PREX1: variants seen among roughly 807,000 people sequenced by gnomAD.
PREX1 encodes phosphatidylinositol 3,4,5-trisphosphate-dependent Rac exchanger 1 protein.
In PREX1, 41 loss-of-function variants were observed where a neutral mutation model predicts 198.3. The observed-to-expected ratio is 0.21, with a 90% confidence interval of 0.16 to 0.27. The LOEUF (loss-of-function observed/expected upper bound fraction) is 0.27, where lower values mean the gene tolerates loss of function less well. Among genes scored for constraint, PREX1 ranks in the 10% least tolerant of loss-of-function variants. The pLI is 1.00. For synonymous variants in PREX1, 843 were observed against 887.2 expected (o/e 0.95, Z 0.89); for missense variants, 1,620 against 2,200.7 (o/e 0.74, Z 5.28).
the PREX1 span, among the ~76,000 whole-genome samples, chr20:48,851,760 G>T: frequency 2.0e-5 from 3 of 152,112 alleles, no homozygotes; most frequent in Non-Finnish European, 4.4e-5. Context: ...CCAGCATGGG[G>T]ACATTGCCTG....
At chr20:48,863,971 A>T in the PREX1 span, among the ~76,000 whole-genome samples, 3 of 152,196 alleles carry the variant, frequency 2.0e-5, no homozygotes, top group African/African-American at 4.8e-5. Flanking sequence ...TAATCAATGA[A>T]TAATATTCCT....
chr20:48,700,367 G>A (rs1601084825), intron 7 of PREX1, among the ~76,000 whole-genome samples: 1 of 152,260 alleles, frequency 6.6e-6, no homozygotes, highest in Middle Eastern at 3.4e-3. Context: ...AAATTTAGGT[G>A]TTTTGTGAGT....
intron 15 of PREX1, among the ~76,000 whole-genome samples, chr20:48,661,951 C>T (rs8122641): frequency 0.018 from 2,706 of 152,290 alleles, 88 homozygotes; most frequent in African/African-American, 0.062. Context: ...AGCTGTCGGA[C>T]GCCAGTGGGT....
At chr20:48,884,595 T>C in the PREX1 span, among the ~76,000 whole-genome samples, 2 of 152,222 alleles carry the variant, frequency 1.3e-5, no homozygotes, top group Admixed American at 6.5e-5. Flanking sequence ...TTTGTGACTT[T>C]GGGTAAAGCA....
chr20:48,757,691 G>T (rs1340665811), intron 1 of PREX1, among the ~76,000 whole-genome samples: 2 of 152,156 alleles, frequency 1.3e-5, no homozygotes, highest in African/African-American at 4.8e-5. Context: ...CACAGGAGGT[G>T]CCCAATAAGT....
intron 1 of PREX1, among the ~76,000 whole-genome samples, chr20:48,767,493 G>A (rs952490291): frequency 6.6e-6 from 1 of 151,808 alleles, no homozygotes; most frequent in African/African-American, 2.4e-5. Flanking sequence ...GAGGGTACGT[G>A]GGCCTCTGAA....
intron 35 of PREX1, 81 bp downstream of exon 35, chr20:48,632,196 G>T: frequency 7.3e-7 from 1 of 1,362,980 alleles, no homozygotes; most frequent in Non-Finnish European, 1.0e-6. Context: ...CTGGGGGTCC[G>T]CCTGGCACCT....
intron 15 of PREX1, among the ~76,000 whole-genome samples, chr20:48,664,794 C>T (rs2083681250): frequency 6.6e-6 from 1 of 150,754 alleles, no homozygotes; most frequent in Admixed American, 6.6e-5. Flanking sequence ...ATCCCGGCTC[C>T]AGACGGCCTG....
chr20:48,666,197 C>A lies in PREX1; in HGVS notation c.1738+86G>T. On this transcript the variant is annotated intron_variant, in intron 15 of 39. Transcript: ENST00000371941. The surrounding 1 kb of genome is among the most constrained non-coding windows in gnomAD (Gnocchi z 4.3). ...CCCGGGGGTCTAGAGAGCCACAGACCTGGCTTCAGTCCTCCCATACTCCCC... is the reference window on the plus strand; with the variant it reads ...CCCGGGGGTCTAGAGAGCCACAGACATGGCTTCAGTCCTCCCATACTCCCC... 7.3e-7 allele frequency: 1 copy of A among 1,372,568 alleles called. No individual in the cohort carries two copies. The highest frequency in any genetic ancestry group is 1.2e-5 in the South Asian group (1 of 80,002). The allele number at this position is 1,372,568 out of a possible 1,614,324, so 85.0% of individuals were successfully genotyped here.
intron 14 of PREX1, among the ~76,000 whole-genome samples, chr20:48,667,745 G>A (rs1053152697): frequency 7.2e-5 from 11 of 152,220 alleles, no homozygotes; most frequent in African/African-American, 2.7e-4. Context: ...CCCGTGTGCT[G>A]GACCCTGCGG....
intron 2 of PREX1, among the ~76,000 whole-genome samples, chr20:48,746,941 A>AACACAC (rs57506374): frequency 5.9e-5 from 7 of 117,744 alleles, no homozygotes; most frequent in South Asian, 3.4e-4. Context: ...CCAGTGCATG[A>AACACAC]ACACACACAC....
chr20:48,737,071 G>T (rs2090059809), intron 3 of PREX1, among the ~76,000 whole-genome samples: 1 of 152,026 alleles, frequency 6.6e-6, no homozygotes, highest in African/African-American at 2.4e-5. Flanking sequence ...TTCCAATGGT[G>T]CATAGTAAGT....
At chr20:48,828,524 G>A (rs1378853732), upstream of PREX1, among the ~76,000 whole-genome samples, 3 of 146,656 alleles carry the variant, frequency 2.0e-5, no homozygotes, top group African/African-American at 7.6e-5. Context: ...AGGGGCGACC[G>A]CTGCCTGGGC....
chr20:48,649,419 C>T lies in PREX1; in HGVS notation c.3186G>A (p.Arg1062=), dbSNP rs1601043287. 10 of 1,614,150 alleles carry T rather than the reference C, an allele frequency of 6.2e-6. No individual in the cohort carries two copies. Among genetic ancestry groups the T allele is most frequent in the Non-Finnish European group, 6.8e-6 (8 of 1,180,018 alleles). The change falls in exon 25 of 40, where the codon CGG becomes CGA. Residue 1062 remains arginine, a synonymous_variant. Coordinates refer to ENST00000371941, the MANE Select transcript of PREX1 (RefSeq NM_020820.4). The part of the protein sequence containing the change: ...PASGTLGQED[R]GLSFLLKQED... Reference sequence around the variant, plus strand: ...CCTGCTTGAGTAGGAAGCTGAGGCCCCGGTCTTCCTGACCAAGGGTCCCAC... The same window carrying T: ...CCTGCTTGAGTAGGAAGCTGAGGCCTCGGTCTTCCTGACCAAGGGTCCCAC...
At chr20:48,829,738 C>T (rs772027822), upstream of PREX1, among the ~76,000 whole-genome samples, 98 of 152,136 alleles carry the variant, frequency 6.4e-4, 2 homozygotes, top group Non-Finnish European at 7.4e-5. Flanking sequence ...TAAATTAATT[C>T]TGTCTACCAC....
chr20:48,723,480 C>T (rs1285307692), intron 5 of PREX1, among the ~76,000 whole-genome samples: 2 of 152,196 alleles, frequency 1.3e-5, no homozygotes, highest in African/African-American at 2.4e-5. Context: ...TTCTGTCAGG[C>T]GGGGAGCAAG....
At chr20:48,665,483 G>A (rs972856838) in intron 15 of PREX1, among the ~76,000 whole-genome samples, 6 of 149,716 alleles carry the variant, frequency 4.0e-5, no homozygotes, top group South Asian at 2.1e-4. Context: ...TTCTAATCCC[G>A]ACTCCAGACG....
intron 1 of PREX1, among the ~76,000 whole-genome samples, chr20:48,775,905 G>A (rs1286614008): frequency 6.6e-6 from 1 of 152,120 alleles, no homozygotes; most frequent in Admixed American, 6.5e-5. Context: ...GTATGAAAAT[G>A]GACTAATACA....
intron 1 of PREX1, among the ~76,000 whole-genome samples, chr20:48,804,463 G>A (rs1489225858): frequency 6.6e-6 from 1 of 152,222 alleles, no homozygotes; most frequent in Admixed American, 6.5e-5. Context: ...CCTGGAGAAT[G>A]TTCCCGACCA....
Sources: allele counts gnomAD v4.1 joint callset (sites outside exome capture counted in the v4.1 genomes callset), GRCh38; gene constraint gnomAD v4.1.1; non-coding constraint Gnocchi (gnomAD v3.1); transcripts MANE v1.5; gene names NCBI Gene and HGNC (gene_info 2026-07-23, HGNC 2026-07-21).